BSDC1: variants seen among roughly 807,000 people sequenced by gnomAD.
The protein encoded by BSDC1 is BSD domain containing 1, also known as BSD domain-containing protein 1.
BSDC1 carries 29 observed loss-of-function variants against 56.0 expected under a neutral mutation model. The ratio of observed to expected loss-of-function variants is 0.52; its 90% confidence interval spans 0.39 to 0.71. The LOEUF (loss-of-function observed/expected upper bound fraction) is 0.71. BSDC1 is among the 30% of genes least tolerant of loss of function. BSDC1 has a pLI of 0.00. For synonymous variants in BSDC1, 210 were observed against 215.3 expected (o/e 0.98, Z 0.21); for missense variants, 477 against 548.5 (o/e 0.87, Z 1.30).
rs776504485 is a variant in BSDC1, at chr1:32,378,057, G to T, written c.598-9C>A. The T allele has an allele frequency of 6.2e-7, 1 of 1,605,880 alleles. No individual in the cohort carries two copies. Among genetic ancestry groups the T allele is most frequent in the Non-Finnish European group, 8.5e-7 (1 of 1,175,286 alleles). ...TCCCTCCGGGCCTGCTCCTGAATGT[G>T]GGGGAGCAGAAGGCCACAGGCAGTC... is the stretch of plus-strand genomic sequence containing the variant. On this transcript the variant is annotated splice_polypyrimidine_tract_variant and intron_variant, in intron 7 of 10. Coordinates refer to ENST00000455895, the MANE Select transcript of BSDC1 (RefSeq NM_018045.8). The surrounding 1 kb of genome is among the most constrained non-coding windows in gnomAD (Gnocchi z 5.2).
At position 32,376,282 on chromosome 1, in the gene BSDC1, G is replaced by A. The variant is rs147609045; in HGVS notation, c.1136C>T (p.Pro379Leu). 2 of 1,546,040 alleles carry A rather than the reference G, an allele frequency of 1.3e-6. No individual in the cohort carries two copies. Among genetic ancestry groups the A allele is most frequent in the Non-Finnish European group, 1.8e-6 (2 of 1,138,038 alleles). The change falls in exon 9 of 11, where the codon CCC (proline) becomes CTC (leucine). Residue 379 changes from proline to leucine, a missense_variant. Physicochemically the swap from Pro to Leu is moderately conservative, Grantham distance 98. Coordinates refer to ENST00000455895, the MANE Select transcript of BSDC1 (RefSeq NM_018045.8). ...CCTACCTTTCTTTCCATTGTTGGAGGGTGTAGACTTCCCACTATCCGAGTT... is the reference window on the plus strand; with the variant it reads ...CCTACCTTTCTTTCCATTGTTGGAGAGTGTAGACTTCCCACTATCCGAGTT... ...ELNSDSGKST[P>L]SNNGKKGSST... is the part of the protein sequence containing the mutation.
chr1:32,376,697 C>G lies in BSDC1; in HGVS notation c.721G>C (p.Val241Leu), dbSNP rs1043794118. Reference sequence around the variant, plus strand: ...AATGTAGAAATTTTGGCCACAGGAACCTTTGCCTCTTTTGGAGATATGGGT... The same window carrying G: ...AATGTAGAAATTTTGGCCACAGGAAGCTTTGCCTCTTTTGGAGATATGGGT... ...ISPISPKEAKVPVAKISTFPE... is the reference protein window; with the variant it reads ...ISPISPKEAKLPVAKISTFPE... Residue 241 changes from valine to leucine, a missense_variant, in exon 9 of 11, where the codon GTT (valine) becomes CTT (leucine). Physicochemically the swap from Val to Leu is conservative, Grantham distance 32. Coordinates refer to ENST00000455895, the MANE Select transcript of BSDC1 (RefSeq NM_018045.8). The G allele has an allele frequency of 7.0e-7, 1 of 1,426,564 alleles. No homozygotes were observed. The highest frequency in any genetic ancestry group is 1.9e-4 in the Middle Eastern group (1 of 5,240). 88.4% of individuals were successfully genotyped at this position (1,426,564 alleles called of 1,614,324 possible). A position where few individuals can be genotyped will look rare whatever the true frequency, so the allele number is the denominator to read the frequency against.
intron 2 of BSDC1, among the ~76,000 whole-genome samples, chr1:32,387,411 G>A (rs961023723): frequency 3.3e-5 from 5 of 151,274 alleles, no homozygotes; most frequent in South Asian, 2.1e-4. Context: ...GCACGATCTC[G>A]GCTCACCGCA....
At position 32,381,274 on chromosome 1, in the gene BSDC1, A is replaced by G. The variant is rs1642470181; in HGVS notation, c.358-6T>C. On this transcript the variant is annotated splice_polypyrimidine_tract_variant and splice_region_variant and intron_variant, in intron 4 of 10. Transcript: ENST00000455895. Reference sequence around the variant, plus strand: ...TGCAGGCTATAGAGGCGAGCCTGTAAGAAAAGGAGAAGAGGAAAACAGAAA... The same window carrying G: ...TGCAGGCTATAGAGGCGAGCCTGTAGGAAAAGGAGAAGAGGAAAACAGAAA... 1 of 1,613,502 alleles carries G rather than the reference A, an allele frequency of 6.2e-7. No individual in the cohort carries two copies.
intron 3 of BSDC1, among the ~76,000 whole-genome samples, chr1:32,385,082 A>C (rs1244328658): frequency 2.0e-5 from 3 of 152,226 alleles, no homozygotes; most frequent in Non-Finnish European, 4.4e-5. Flanking sequence ...TAATTGATTC[A>C]GCTGGTGATC....
intron 2 of BSDC1, among the ~76,000 whole-genome samples, chr1:32,393,394 T>C (rs1053650982): frequency 3.9e-5 from 6 of 152,212 alleles, no homozygotes; most frequent in Non-Finnish European, 7.3e-5. Flanking sequence ...CCAGTGTGTA[T>C]GGCTCATGCT....
rs535881983 is a variant in BSDC1, at chr1:32,382,746, C to T, written c.357+1084G>A. Among the ~76,000 whole-genome samples the T allele has an allele frequency of 9.4e-5, 14 of 149,120 alleles. No homozygotes were observed. In the South Asian group the frequency reaches 1.9e-3, roughly 21 times the overall value. Reference sequence around the variant, plus strand: ...TGTGGTGGTGCACGCCTGTGGTCCCCGCTACTAGGGATACTAGGGAGGTTG... The same window carrying T: ...TGTGGTGGTGCACGCCTGTGGTCCCTGCTACTAGGGATACTAGGGAGGTTG... On this transcript the variant is annotated intron_variant, in intron 4 of 10. Coordinates refer to ENST00000455895, the MANE Select transcript of BSDC1 (RefSeq NM_018045.8).
At chr1:32,375,443 G>C (rs1642247203) in intron 9 of BSDC1, among the ~76,000 whole-genome samples, 1 of 148,850 alleles carries the variant, frequency 6.7e-6, no homozygotes, top group Non-Finnish European at 1.5e-5. Flanking sequence ...TGGAGGGGGG[G>C]TTCTTAGTGA....
chr1:32,376,510 T>C lies in BSDC1; in HGVS notation c.908A>G (p.Lys303Arg), dbSNP rs765957048. 74 of 1,601,902 alleles carry C rather than the reference T, an allele frequency of 4.6e-5. No individual in the cohort carries two copies. The highest frequency in any genetic ancestry group is 1.1e-5 in the South Asian group (1 of 90,050). ...ATAPEARVLP[K>R]DLSQKLLEAS... ...CTCTAGCAGCTTTTGGGACAGGTCC[T>C]TGGGTAGCACTCGTGCCTCAGGTGC... Residue 303 changes from lysine (K) to arginine (R), a missense_variant, in exon 9 of 11, where the codon AAG becomes AGG. By Grantham distance (26) the Lys-to-Arg change is conservative. Coordinates refer to ENST00000455895, the MANE Select transcript of BSDC1 (RefSeq NM_018045.8).
At chr1:32,375,574 C>T (rs371477941) in intron 9 of BSDC1, among the ~76,000 whole-genome samples, 30 of 152,312 alleles carry the variant, frequency 2.0e-4, no homozygotes, top group South Asian at 8.3e-4. Flanking sequence ...AACTCAGAGT[C>T]TCCAGTCTAA....
chr1:32,373,314 TAA>T (rs1177794989), intron 9 of BSDC1, among the ~76,000 whole-genome samples: 1 of 152,194 alleles, frequency 6.6e-6, no homozygotes, highest in African/African-American at 2.4e-5. Context: ...GCAGAGTAGT[TAA>T]GAGCTTATGT....
At chr1:32,386,952 T>TG in intron 2 of BSDC1, 57 bp from the exon 3 acceptor site, 1 of 1,354,020 alleles carries the variant, frequency 7.4e-7, no homozygotes, top group Admixed American at 1.7e-5. Context: ...CCCTTGTTCC[T>TG]GTTCCCTGTG....
chr1:32,389,522 A>G (rs992125180), intron 2 of BSDC1, among the ~76,000 whole-genome samples: 24 of 152,238 alleles, frequency 1.6e-4, no homozygotes, highest in African/African-American at 5.8e-4. Flanking sequence ...GTCACAGTCT[A>G]CTGGGGAAAA....
intron 2 of BSDC1, among the ~76,000 whole-genome samples, chr1:32,389,593 T>C (rs1570174419): frequency 6.6e-6 from 1 of 151,116 alleles, no homozygotes; most frequent in African/African-American, 2.4e-5. Flanking sequence ...TATGGGGAGG[T>C]TGGGAAGATG....
intron 9 of BSDC1, among the ~76,000 whole-genome samples, chr1:32,370,822 A>G (rs1642053654): frequency 6.6e-6 from 1 of 151,204 alleles, no homozygotes; most frequent in African/African-American, 2.4e-5. Flanking sequence ...AAAAAAAAAA[A>G]AAAAAAAAAA....
At chr1:32,392,564 G>A (rs1013445874) in intron 2 of BSDC1, among the ~76,000 whole-genome samples, 1 of 152,066 alleles carries the variant, frequency 6.6e-6, no homozygotes, top group Non-Finnish European at 1.5e-5. Context: ...AGGCCCTCAT[G>A]CAACATCTGC....
At chr1:32,367,706 T>C in intron 10 of BSDC1, 4 of 982,288 alleles carry the variant, frequency 4.1e-6, no homozygotes, top group Non-Finnish European at 4.8e-6. Context: ...TAGTGAAGAA[T>C]AACAGTACTA....
chr1:32,366,694 G>C, intron 10 of BSDC1, 40 bp from the exon 11 acceptor site: 2 of 1,455,706 alleles, frequency 1.4e-6, no homozygotes, highest in Non-Finnish European at 1.8e-6. Context: ...CAAACACATA[G>C]TTACTCCTGA....
At chr1:32,367,653 T>TC (rs1477915897) in intron 10 of BSDC1, 1 of 985,632 alleles carries the variant, frequency 1.0e-6, no homozygotes, top group Non-Finnish European at 1.2e-6. Context: ...TTTGGACTGT[T>TC]CCAGCCTCTC....
Sources: allele counts gnomAD v4.1 joint callset (sites outside exome capture counted in the v4.1 genomes callset), GRCh38; gene constraint gnomAD v4.1.1; non-coding constraint Gnocchi (gnomAD v3.1); transcripts MANE v1.5; gene names NCBI Gene and HGNC (gene_info 2026-07-23, HGNC 2026-07-21).